PLCL1: variants seen among roughly 807,000 people sequenced by gnomAD.
PLCL1 encodes the protein inactive phospholipase C-like protein 1.
In PLCL1, 41 loss-of-function variants were observed where a neutral mutation model predicts 84.4. The ratio of observed to expected loss-of-function variants is 0.49; its 90% CI spans 0.38 to 0.63. The LOEUF (loss-of-function observed/expected upper bound fraction) is 0.63. PLCL1 is among the 30% of genes least tolerant of loss of function. The pLI is 0.00. For synonymous variants in PLCL1, 490 were observed against 488.3 expected, an observed-to-expected ratio of 1.00 and a Z score of -0.05; for missense variants, 1,206 against 1,367.8, an observed-to-expected ratio of 0.88 and a Z score of 1.87.
intron 1 of PLCL1, among the ~76,000 whole-genome samples, chr2:197,870,581 C>T (rs1024660052): frequency 1.3e-5 from 2 of 152,074 alleles, no homozygotes; most frequent in Non-Finnish European, 2.9e-5. Context: ...CATCTCTACC[C>T]TCAGAGAGTG....
At chr2:197,954,754 C>G (rs1027891447) in intron 1 of PLCL1, among the ~76,000 whole-genome samples, 3 of 152,000 alleles carry the variant, frequency 2.0e-5, no homozygotes, top group Non-Finnish European at 4.4e-5. Context: ...GGGATATGCA[C>G]TATTTCTAAC....
chr2:197,871,695 AC>A (rs2105705415), intron 1 of PLCL1, among the ~76,000 whole-genome samples: 1 of 152,188 alleles, frequency 6.6e-6, no homozygotes, highest in East Asian at 1.9e-4. Flanking sequence ...ATAACATCGT[AC>A]CCCAAACAAT....
chr2:197,901,355 ACTGTAATAAAT>A (rs780119611), intron 1 of PLCL1, among the ~76,000 whole-genome samples: 1 of 152,222 alleles, frequency 6.6e-6, no homozygotes, highest in Non-Finnish European at 1.5e-5. Context: ...ACAGGTCAGT[ACTGTAATAAAT>A]AAATAAAATA....
rs1553500076 is a variant in PLCL1, at chr2:197,890,682, C to CTATATA, written c.240+85358_240+85363dup. On this transcript the variant is annotated intron_variant, in intron 1 of 5. Transcript: ENST00000428675. The stretch of plus-strand genomic sequence containing the variant: ...TGCAATTGGCTTTTTTATTTTTTTG[C>CTATATA]TATATATATATATATATATACACAC... 6.7e-3 allele frequency among the ~76,000 whole-genome samples: 777 copies of CTATATA among 116,190 alleles called. 11 individuals are homozygous for CTATATA. Among genetic ancestry groups the CTATATA allele is most frequent in the Non-Finnish European group, 7.2e-3 (421 of 58,288 alleles). The allele number at this position is 116,190 out of a possible 152,430, so 76.2% of individuals were successfully genotyped here. A position where few individuals can be genotyped will look rare whatever the true frequency, so the allele number is the denominator to read the frequency against.
chr2:198,074,817 A>G (rs1692541488), intron 1 of PLCL1, among the ~76,000 whole-genome samples: 1 of 152,216 alleles, frequency 6.6e-6, no homozygotes, highest in Non-Finnish European at 1.5e-5. Flanking sequence ...TTTCAGATAA[A>G]GTATTTTAAG....
At chr2:197,871,557 G>A (rs1161570544) in intron 1 of PLCL1, among the ~76,000 whole-genome samples, 1 of 152,020 alleles carries the variant, frequency 6.6e-6, no homozygotes, top group Non-Finnish European at 1.5e-5. Context: ...GGTTTTGGAG[G>A]CCAGAAATCT....
intron 1 of PLCL1, among the ~76,000 whole-genome samples, chr2:198,042,572 A>AG (rs1242199537): frequency 6.6e-6 from 1 of 152,196 alleles, no homozygotes; most frequent in Admixed American, 6.5e-5. Context: ...GAAGGATAGA[A>AG]GAAGCCAGAT....
At chr2:198,018,238 G>C (rs1181934109) in intron 1 of PLCL1, among the ~76,000 whole-genome samples, 3 of 152,192 alleles carry the variant, frequency 2.0e-5, no homozygotes, top group South Asian at 2.1e-4. Context: ...GCAACCTACA[G>C]ACCAGGAGAT....
chr2:197,858,465 G>A (rs1687371818), intron 1 of PLCL1, among the ~76,000 whole-genome samples: 1 of 152,098 alleles, frequency 6.6e-6, no homozygotes, highest in Non-Finnish European at 1.5e-5. Flanking sequence ...CTTATGCGGG[G>A]TGGTACTGAA....
intron 1 of PLCL1, among the ~76,000 whole-genome samples, chr2:197,859,555 C>T (rs1687391173): frequency 6.6e-6 from 1 of 152,126 alleles, no homozygotes; most frequent in Non-Finnish European, 1.5e-5. Context: ...ATTTGGCCAA[C>T]TATGGACCAC....
intron 1 of PLCL1, among the ~76,000 whole-genome samples, chr2:198,012,465 T>A (rs994040844): frequency 1.3e-5 from 2 of 152,014 alleles, no homozygotes; most frequent in African/African-American, 4.8e-5. Flanking sequence ...CTAAATTGAG[T>A]CTCTTATAGA....
intron 1 of PLCL1, among the ~76,000 whole-genome samples, chr2:197,947,712 A>C (rs1486832307): frequency 6.6e-6 from 1 of 152,162 alleles, no homozygotes; most frequent in Non-Finnish European, 1.5e-5. Context: ...TGCCATGCAG[A>C]GTGATTATCC....
At chr2:198,110,179 T>C (rs942507205) in intron 5 of PLCL1, among the ~76,000 whole-genome samples, 1 of 151,936 alleles carries the variant, frequency 6.6e-6, no homozygotes, top group Non-Finnish European at 1.5e-5. Flanking sequence ...TTCCAACTTA[T>C]AATTTAATGC....
At chr2:198,092,735 C>T (rs1292366894) in intron 3 of PLCL1, among the ~76,000 whole-genome samples, 2 of 152,202 alleles carry the variant, frequency 1.3e-5, no homozygotes, top group South Asian at 2.1e-4. Flanking sequence ...TTTCCATCTT[C>T]CTGCTTAGAA....
intron 1 of PLCL1, among the ~76,000 whole-genome samples, chr2:197,899,777 A>C (rs1308264094): frequency 6.6e-6 from 1 of 151,298 alleles, no homozygotes; most frequent in Non-Finnish European, 1.5e-5. Context: ...CTGGGACTAC[A>C]GGCGCCCGCT....
At chr2:198,057,773 C>T (rs898253911) in intron 1 of PLCL1, among the ~76,000 whole-genome samples, 12 of 152,072 alleles carry the variant, frequency 7.9e-5, no homozygotes, top group Admixed American at 3.9e-4. Context: ...CTAGGCGTGG[C>T]GAGAAATAGT....
chr2:198,078,232 G>A (rs1049033319), intron 1 of PLCL1, among the ~76,000 whole-genome samples: 2 of 152,122 alleles, frequency 1.3e-5, no homozygotes, highest in African/African-American at 4.8e-5. Context: ...TTGTCACAGA[G>A]TAGGTACCTA....
intron 1 of PLCL1, among the ~76,000 whole-genome samples, chr2:197,960,616 G>A (rs1689597249): frequency 1.3e-5 from 2 of 152,242 alleles, no homozygotes; most frequent in Admixed American, 6.5e-5. Context: ...TAGTCTGAAA[G>A]CTGCAGAAGG....
chr2:197,967,890 A>C (rs1689777271), intron 1 of PLCL1, among the ~76,000 whole-genome samples: 1 of 152,178 alleles, frequency 6.6e-6, no homozygotes, highest in Non-Finnish European at 1.5e-5. Flanking sequence ...AAAGCTAGAA[A>C]AGTTATTGTC....
Sources: gnomAD v4.1 joint callset for allele counts (sites outside exome capture counted in the v4.1 genomes callset) on GRCh38, gnomAD v4.1.1 for gene constraint, MANE v1.5 for transcripts, NCBI Gene and HGNC (gene_info 2026-07-23, HGNC 2026-07-21) for gene names.